WDTC1: variants seen among roughly 807,000 people sequenced by gnomAD.
The protein encoded by WDTC1 is WD and tetratricopeptide repeats protein 1.
A neutral mutation model predicts 76.0 loss-of-function variants in WDTC1; 12 were observed. The observed-to-expected ratio is 0.16, with a 90% CI of 0.10 to 0.26. The LOEUF is 0.26. WDTC1 is among the 10% of genes least tolerant of loss of function. WDTC1 has a pLI of 1.00. For missense variants in WDTC1, 511 were observed against 908.8 expected (o/e 0.56, Z 5.63); for synonymous variants, 326 against 350.8 (o/e 0.93, Z 0.79).
chr1:27,303,858 TG>T lies in WDTC1; in HGVS notation c.1643+67del. Reference sequence around the variant, plus strand: ...CAGCGGGAGGTTGAGTGGGGAGTGTTGGGGCATAATGGTTTCAGAGAAGAAT... The same window carrying T: ...CAGCGGGAGGTTGAGTGGGGAGTGTTGGGCATAATGGTTTCAGAGAAGAAT... On this transcript the variant is annotated intron_variant, in intron 14 of 15. Coordinates refer to ENST00000319394, the MANE Select transcript of WDTC1 (RefSeq NM_001276252.2). The surrounding 1 kb of genome is among the most constrained non-coding windows in gnomAD (Gnocchi z 4.8). 1 of 1,582,786 alleles carries T rather than the reference TG, an allele frequency of 6.3e-7. No individual in the cohort carries two copies.
chr1:27,258,457 A>G (rs1468504097), intron 1 of WDTC1, among the ~76,000 whole-genome samples: 3 of 149,442 alleles, frequency 2.0e-5, no homozygotes, highest in African/African-American at 7.4e-5. Context: ...ACTTGAACCC[A>G]GGAGGCAGAG....
intron 1 of WDTC1, among the ~76,000 whole-genome samples, 189 bp from the exon 2 acceptor site, chr1:27,260,767 G>GCTA (rs1172764320): frequency 1.3e-5 from 2 of 152,196 alleles, no homozygotes; most frequent in Non-Finnish European, 2.9e-5. Flanking sequence ...GTTGGGATGT[G>GCTA]CTACTGTTCT....
chr1:27,279,679 A>G (rs1030799233), intron 3 of WDTC1, among the ~76,000 whole-genome samples: 1 of 151,882 alleles, frequency 6.6e-6, no homozygotes, highest in Non-Finnish European at 1.5e-5. Context: ...TGATCCTCAC[A>G]CCTTAGCCTC....
At chr1:27,295,539 C>T (rs556254211) in intron 9 of WDTC1, among the ~76,000 whole-genome samples, 2 of 152,002 alleles carry the variant, frequency 1.3e-5, no homozygotes, top group South Asian at 2.1e-4. Flanking sequence ...CTGCAACCTC[C>T]GCTCTGCCTC....
intron 6 of WDTC1, among the ~76,000 whole-genome samples, chr1:27,288,853 A>G (rs1242097730): frequency 6.6e-6 from 1 of 152,036 alleles, no homozygotes; most frequent in Non-Finnish European, 1.5e-5. Context: ...CCCGTTCTCA[A>G]TGAGCTGTTG....
At chr1:27,240,262 T>G (rs2011589480) in intron 1 of WDTC1, among the ~76,000 whole-genome samples, 2 of 152,116 alleles carry the variant, frequency 1.3e-5, no homozygotes, top group South Asian at 4.1e-4. Context: ...TTATCCCCAC[T>G]TTACAAATGA....
intron 3 of WDTC1, among the ~76,000 whole-genome samples, chr1:27,277,046 T>A (rs1251723642): frequency 6.6e-6 from 1 of 152,010 alleles, no homozygotes; most frequent in Non-Finnish European, 1.5e-5. Context: ...TTTTTTTTTT[T>A]AATTGATATG....
chr1:27,299,047 T>C (rs1311173246), intron 12 of WDTC1, among the ~76,000 whole-genome samples: 1 of 152,154 alleles, frequency 6.6e-6, no homozygotes, highest in Non-Finnish European at 1.5e-5. Flanking sequence ...GATGACTGTT[T>C]TGGATGAATC....
chr1:27,301,380 T>G lies in WDTC1; in HGVS notation c.1387T>G (p.Phe463Val). ...LECLDDFKGK[F>V]PEQAHSSACD... ...GTGCCTGGACGACTTCAAAGGGAAATTTCCGGAGCAGGCCCACAGCAGCGC... is the reference window on the plus strand; with the variant it reads ...GTGCCTGGACGACTTCAAAGGGAAAGTTCCGGAGCAGGCCCACAGCAGCGC... The change falls in exon 13 of 16, where the codon TTT (phenylalanine) becomes GTT (valine). Residue 463 changes from phenylalanine (F) to valine (V), a missense_variant. By Grantham distance (50) the Phe-to-Val change is conservative (BLOSUM62 -1). Transcript: ENST00000319394. This position sits in a 1 kb window ranked among gnomAD's most constrained non-coding sequence, Gnocchi z 5.8. The G allele has an allele frequency of 6.2e-7, 1 of 1,614,022 alleles. No individual in the cohort carries two copies. The highest frequency in any genetic ancestry group is 8.5e-7 in the Non-Finnish European group (1 of 1,179,986).
chr1:27,288,963 G>A (rs1211227698), intron 6 of WDTC1, among the ~76,000 whole-genome samples: 2 of 141,588 alleles, frequency 1.4e-5, no homozygotes, highest in Non-Finnish European at 3.1e-5. Context: ...GGACGGGGCG[G>A]CTGGCCGGGC....
At chr1:27,250,347 G>C (rs923781345) in intron 1 of WDTC1, among the ~76,000 whole-genome samples, 6 of 151,884 alleles carry the variant, frequency 4.0e-5, no homozygotes, top group African/African-American at 1.5e-4. Flanking sequence ...ACGGGGTTTT[G>C]CCATGTTGAC....
At position 27,298,097 on chromosome 1, in the gene WDTC1, C is replaced by T. The variant is rs1289744943; in HGVS notation, c.1218C>T (p.Tyr406=). 1.2e-6 allele frequency: 2 copies of T among 1,610,340 alleles called. No homozygotes were observed. The highest frequency in any genetic ancestry group is 2.7e-5 in the African/African-American group (2 of 74,848). Residue 406 remains tyrosine, a synonymous_variant, in exon 12 of 16, where the codon TAC becomes TAT. Transcript: ENST00000319394. The stretch of plus-strand genomic sequence containing the variant: ...TTTATGGAAACCGAGCAGCAGCCTA[C>T]ATGAAGCGCAAGTGGTGAGTGGCCA... The part of the protein sequence containing the change: ...AMLYGNRAAA[Y]MKRKWDGDHY...
chr1:27,294,819 T>C (rs1018052166), intron 9 of WDTC1, among the ~76,000 whole-genome samples, 190 bp downstream of exon 9: 1 of 152,238 alleles, frequency 6.6e-6, no homozygotes, highest in African/African-American at 2.4e-5. Flanking sequence ...AGTCTTTTTA[T>C]TTCATTTTTT....
chr1:27,258,541 AG>A (rs1304050457), intron 1 of WDTC1, among the ~76,000 whole-genome samples: 8 of 149,854 alleles, frequency 5.3e-5, no homozygotes, highest in South Asian at 4.2e-4. Context: ...AAAAAAAAAA[AG>A]AAAAAAAAAG....
chr1:27,274,275 A>C lies in WDTC1; in HGVS notation c.133-7964A>C, dbSNP rs1397961576. Among the ~76,000 whole-genome samples, 1 of 151,936 alleles carries C rather than the reference A, an allele frequency of 6.6e-6. No individual in the cohort carries two copies. Among genetic ancestry groups the C allele is most frequent in the Non-Finnish European group, 1.5e-5 (1 of 67,970 alleles). On this transcript the variant is annotated intron_variant, in intron 3 of 15. Coordinates refer to ENST00000319394, the MANE Select transcript of WDTC1 (RefSeq NM_001276252.2). The surrounding 1 kb of genome is among the most constrained non-coding windows in gnomAD (Gnocchi z 4.2). ...CACTTACTCCAGCCTGGGCAATGGA[A>C]GGAGACACTGTCTTTAAAAAAGAGA...
intron 2 of WDTC1, 52 bp from the exon 3 acceptor site, chr1:27,263,100 A>G: frequency 6.3e-7 from 1 of 1,596,070 alleles, no homozygotes; most frequent in Non-Finnish European, 8.6e-7. Flanking sequence ...GGCACATAAT[A>G]AATCATATTT....
chr1:27,246,664 C>T (rs1286460503), intron 1 of WDTC1, among the ~76,000 whole-genome samples: 2 of 151,876 alleles, frequency 1.3e-5, no homozygotes, highest in Non-Finnish European at 2.9e-5. Context: ...CAGGTTTAAG[C>T]GATTCTTCTG....
rs900546498 is a variant in WDTC1, at chr1:27,245,814, C to T, written c.-100+10863C>T. Among the ~76,000 whole-genome samples, 3 of 151,498 alleles carry T rather than the reference C, an allele frequency of 2.0e-5. No individual in the cohort carries two copies. In the South Asian group the frequency reaches 6.2e-4, roughly 31 times the overall value. On this transcript the variant is annotated intron_variant, in intron 1 of 15. Coordinates refer to ENST00000319394, the MANE Select transcript of WDTC1 (RefSeq NM_001276252.2). ...CGAACTCCTGACCTCCTGGTCCACC[C>T]GCCTTGGCCTCCCAGAAAGTGCTGG...
At chr1:27,283,304 G>T (rs775455896) in intron 4 of WDTC1, 34 bp from the exon 5 acceptor site, 1 of 1,586,528 alleles carries the variant, frequency 6.3e-7, no homozygotes, top group East Asian at 2.2e-5. Flanking sequence ...CTAGGAATTT[G>T]AGGAGAGATC....
Sources: gnomAD v4.1 joint callset for allele counts (sites outside exome capture counted in the v4.1 genomes callset) on GRCh38, gnomAD v4.1.1 for gene constraint, Gnocchi (gnomAD v3.1) non-coding constraint, MANE v1.5 for transcripts, NCBI Gene and HGNC (gene_info 2026-07-23, HGNC 2026-07-21) for gene names.